CAV3: variants seen among roughly 807,000 people sequenced by gnomAD.
CAV3 encodes the protein caveolin 3, also known as caveolin-3.
Under a neutral mutation model 13.4 loss-of-function variants are expected in CAV3, and 10 were observed. The ratio of observed to expected loss-of-function variants is 0.75; its 90% CI spans 0.46 to 1.27. The LOEUF is 1.27. Ranked by LOEUF, CAV3 falls within the 50% of genes most tolerant of loss-of-function variation. CAV3 has a pLI of 0.00. For missense variants in CAV3, 162 were observed against 194.0 expected, an observed-to-expected ratio of 0.83 and a Z score of 0.98; for synonymous variants, 90 against 79.0, an observed-to-expected ratio of 1.14 and a Z score of -0.74.
In CAV3 at chr3:8,745,654, C is replaced by T. The variant is rs564597663; in HGVS notation, c.243C>T (p.Gly81=). ...WCYRLLSTLL[G]VPLALLWGFL... ...ACCGTCTGTTGTCCACGCTGCTGGG[C>T]GTCCCACTGGCCCTGCTCTGGGGCT... The change falls in exon 2 of 2, where the codon GGC becomes GGT. Residue 81 remains glycine (G), a synonymous_variant. Coordinates refer to ENST00000343849, the MANE Select transcript of CAV3 (RefSeq NM_033337.3). The surrounding 1 kb of genome is among the most constrained non-coding windows in gnomAD (Gnocchi z 4.8). 14 of 1,614,080 alleles carry T rather than the reference C, an allele frequency of 8.7e-6. No homozygotes were observed. Among genetic ancestry groups the T allele is most frequent in the East Asian group, 4.5e-5 (2 of 44,870 alleles).
At chr3:8,742,770 A>G (rs1367166825) in intron 1 of CAV3, among the ~76,000 whole-genome samples, 1 of 152,228 alleles carries the variant, frequency 6.6e-6, no homozygotes, top group Non-Finnish European at 1.5e-5. Flanking sequence ...ATGGATGGAT[A>G]GATGGATGAT....
In CAV3 at chr3:8,745,955, G is replaced by C; in HGVS notation, c.*88G>C. ...ACTTCTTCACAGGGGCTGCTGGCGA[G>C]CTCTTTCTCTTTAGGGACTGCTCCA... is the stretch of plus-strand genomic sequence containing the variant. On this transcript the variant is annotated 3_prime_UTR_variant, in exon 2 of 2. Transcript: ENST00000343849. This position sits in a 1 kb window ranked among gnomAD's most constrained non-coding sequence, Gnocchi z 4.8. 9.1e-7 allele frequency: 1 copy of C among 1,099,376 alleles called. No individual in the cohort carries two copies. The highest frequency in any genetic ancestry group is 1.3e-6 in the Non-Finnish European group (1 of 752,388). 68.1% of individuals were successfully genotyped at this position (1,099,376 alleles called of 1,614,324 possible). A position where few individuals can be genotyped will look rare whatever the true frequency, so the allele number is the denominator to read the frequency against.
intron 1 of CAV3, among the ~76,000 whole-genome samples, chr3:8,734,439 C>T (rs1707679410): frequency 6.6e-6 from 1 of 152,208 alleles, no homozygotes; most frequent in South Asian, 2.1e-4. Flanking sequence ...GGCAGCCCCT[C>T]GAGGTACACT....
intron 1 of CAV3, among the ~76,000 whole-genome samples, chr3:8,742,146 T>G (rs532015099): frequency 6.6e-6 from 1 of 152,198 alleles, no homozygotes; most frequent in South Asian, 2.1e-4. Context: ...CCGGGCCTTA[T>G]AAATATCTCC....
At chr3:8,739,486 G>C (rs1223494947) in intron 1 of CAV3, among the ~76,000 whole-genome samples, 1 of 151,650 alleles carries the variant, frequency 6.6e-6, no homozygotes, top group Non-Finnish European at 1.5e-5. Flanking sequence ...CAGGTGTAGT[G>C]GTGGGTGCCT....
At chr3:8,742,374 AGAAG>A (rs747024120) in intron 1 of CAV3, 1 of 274,516 alleles carries the variant, frequency 3.6e-6, no homozygotes, top group South Asian at 2.9e-5. Flanking sequence ...AAAAAAAAAA[AGAAG>A]AAGAAGAAGA....
chr3:8,738,757 G>C (rs1424398243), intron 1 of CAV3, among the ~76,000 whole-genome samples: 2 of 152,214 alleles, frequency 1.3e-5, no homozygotes, highest in Admixed American at 1.3e-4. Flanking sequence ...GCAAACGTAA[G>C]AGGCTGTCAT....
intron 1 of CAV3, among the ~76,000 whole-genome samples, chr3:8,741,632 A>G (rs1312679781): frequency 6.6e-6 from 1 of 152,200 alleles, no homozygotes; most frequent in East Asian, 1.9e-4. Context: ...GCCAGTGGAT[A>G]CTGGGACCAT....
chr3:8,745,470 A>T lies in CAV3; in HGVS notation c.115-56A>T. The T allele has an allele frequency of 7.1e-7, 1 of 1,417,932 alleles. No homozygotes were observed. The highest frequency in any genetic ancestry group is 1.0e-6 in the Non-Finnish European group (1 of 1,004,788). 87.8% of individuals were successfully genotyped at this position (1,417,932 alleles called of 1,614,324 possible). ...TGACACATGCACGCACACACCCAAA[A>T]GCTTGAGAAGCGGGTGGCTTCTGTG... On this transcript the variant is annotated intron_variant, in intron 1 of 1. Coordinates refer to ENST00000343849, the MANE Select transcript of CAV3 (RefSeq NM_033337.3). The surrounding 1 kb of genome is among the most constrained non-coding windows in gnomAD (Gnocchi z 4.8).
chr3:8,734,141 C>A, intron 1 of CAV3, 151 bp downstream of exon 1: 4 of 651,892 alleles, frequency 6.1e-6, no homozygotes, highest in Non-Finnish European at 1.1e-5. Context: ...CAACCCCACC[C>A]CACCCCCAAA....
In CAV3 at chr3:8,745,627, C is replaced by G. The variant is rs116840776; in HGVS notation, c.216C>G (p.Cys72Trp). 3,508 of 1,614,132 alleles carry G rather than the reference C, an allele frequency of 2.2e-3. 10 individuals carry two copies. The highest frequency in any genetic ancestry group is 2.5e-3 in the Non-Finnish European group (2,949 of 1,179,996). ...CCTTCACTGTCTCCAAGTACTGGTG[C>G]TACCGTCTGTTGTCCACGCTGCTGG... is the stretch of plus-strand genomic sequence containing the variant. ...YTTFTVSKYW[C>W]YRLLSTLLGV... Residue 72 changes from cysteine to tryptophan, a missense_variant, in exon 2 of 2, where the codon TGC becomes TGG. By Grantham distance (215) the Cys-to-Trp change is radical. Transcript: ENST00000343849. This position sits in a 1 kb window ranked among gnomAD's most constrained non-coding sequence, Gnocchi z 4.8.
rs753990961 is a variant in CAV3, at chr3:8,745,596, A to G, written c.185A>G (p.Tyr62Cys). Residue 62 changes from tyrosine to cysteine, a missense_variant, in exon 2 of 2, where the codon TAC becomes TGC. Coordinates refer to ENST00000343849, the MANE Select transcript of CAV3 (RefSeq NM_033337.3). The surrounding 1 kb of genome is among the most constrained non-coding windows in gnomAD (Gnocchi z 4.8). The stretch of plus-strand genomic sequence containing the variant: ...TTTGACGGCGTGTGGAAGGTGAGCT[A>G]CACCACCTTCACTGTCTCCAAGTAC... ...YSFDGVWKVS[Y>C]TTFTVSKYWC... 1 of 1,614,112 alleles carries G rather than the reference A, an allele frequency of 6.2e-7. No homozygotes were observed. Among genetic ancestry groups the G allele is most frequent in the South Asian group, 1.1e-5 (1 of 91,070 alleles).
Position 8,733,853 on chromosome 3 carries a change from C to G in CAV3, c.-24C>G. ...GCCGGCCACACAGCTCGGATCTCCT[C>G]CTGTGGATCCCCCCAGCTCTGCGAT... On this transcript the variant is annotated 5_prime_UTR_variant, in exon 1 of 2. Coordinates refer to ENST00000343849, the MANE Select transcript of CAV3 (RefSeq NM_033337.3). 6.9e-7 allele frequency: 1 copy of G among 1,459,164 alleles called. No individual in the cohort carries two copies. Among genetic ancestry groups the G allele is most frequent in the Non-Finnish European group, 9.6e-7 (1 of 1,038,886 alleles). The allele number at this position is 1,459,164 out of a possible 1,614,324, so 90.4% of individuals were successfully genotyped here.
chr3:8,742,616 T>A, intron 1 of CAV3: 1 of 443,908 alleles, frequency 2.3e-6, no homozygotes, highest in South Asian at 1.6e-5. Flanking sequence ...AAGGAATAAT[T>A]ACCATCACTG....
chr3:8,736,004 T>C (rs552007679), intron 1 of CAV3, among the ~76,000 whole-genome samples: 1 of 152,246 alleles, frequency 6.6e-6, no homozygotes, highest in Non-Finnish European at 1.5e-5. Flanking sequence ...GTATACAGTA[T>C]AGCACAGTGT....
chr3:8,738,734 T>C (rs144323248), intron 1 of CAV3, among the ~76,000 whole-genome samples: 7 of 152,340 alleles, frequency 4.6e-5, no homozygotes, highest in African/African-American at 1.7e-4. Flanking sequence ...GGGAAGAATG[T>C]TGGGCAGAGT....
At chr3:8,741,368 T>C (rs1284638537) in intron 1 of CAV3, among the ~76,000 whole-genome samples, 1 of 152,178 alleles carries the variant, frequency 6.6e-6, no homozygotes, top group East Asian at 1.9e-4. Context: ...ACTTCTATAA[T>C]TACCTTGTTG....
At position 8,740,563 on chromosome 3, in the gene CAV3, C is replaced by G. The variant is rs372233340; in HGVS notation, c.115-4963C>G. ...CTTCTTCTGGCAGGTTCTTCTCTCT[C>G]TGTCTCTCTCCTTGCAGCCCTCTGT... On this transcript the variant is annotated intron_variant, in intron 1 of 1. Coordinates refer to ENST00000343849, the MANE Select transcript of CAV3 (RefSeq NM_033337.3). 1.1e-4 allele frequency among the ~76,000 whole-genome samples: 17 copies of G among 152,336 alleles called. No individual in the cohort carries two copies. The South Asian group carries it at 3.5e-3, about 32-fold the overall frequency.
At chr3:8,739,621 C>CAAA (rs35987481) in intron 1 of CAV3, among the ~76,000 whole-genome samples, 3 of 126,418 alleles carry the variant, frequency 2.4e-5, no homozygotes, top group Admixed American at 8.1e-5. Context: ...ATTCCTTCTC[C>CAAA]AAAAAAAAAA....
Sources: allele counts gnomAD v4.1 joint callset (sites outside exome capture counted in the v4.1 genomes callset), GRCh38; gene constraint gnomAD v4.1.1; non-coding constraint Gnocchi (gnomAD v3.1); transcripts MANE v1.5; gene names NCBI Gene and HGNC (gene_info 2026-07-23, HGNC 2026-07-21).